The following LOC128092253 variants were observed in gnomAD, a reference collection of about 807,000 sequenced individuals.
chr6:133,977,199 G>C, the LOC128092253 span, among the ~76,000 whole-genome samples: 1 of 151,954 alleles, frequency 6.6e-6, no homozygotes, highest in Non-Finnish European at 1.5e-5. Flanking sequence ...TTTTAAAAAA[G>C]TACTGACTTT....
chr6:133,973,682 A>G, the LOC128092253 span, among the ~76,000 whole-genome samples: 1 of 152,236 alleles, frequency 6.6e-6, no homozygotes, highest in Non-Finnish European at 1.5e-5. Flanking sequence ...TCTTGTACAC[A>G]AAATCTTTGA....
At chr6:133,962,651 A>T in the LOC128092253 span, among the ~76,000 whole-genome samples, 21,789 of 152,180 alleles carry the variant, frequency 0.14, 2,005 homozygotes, top group African/African-American at 0.27. Flanking sequence ...AGGTCAGGAT[A>T]GATGTAGGAG....
chr6:133,960,910 G>A, the LOC128092253 span, among the ~76,000 whole-genome samples: 1 of 152,202 alleles, frequency 6.6e-6, no homozygotes, highest in South Asian at 2.1e-4. Flanking sequence ...GTCAGTAGGT[G>A]TGTTTTAATT....
At chr6:133,974,584 C>G in the LOC128092253 span, among the ~76,000 whole-genome samples, 1 of 152,248 alleles carries the variant, frequency 6.6e-6, no homozygotes. Context: ...ACCTTGCCCT[C>G]CCAAAGTGCT....
At chr6:133,972,589 A>C in the LOC128092253 span, among the ~76,000 whole-genome samples, 3 of 152,194 alleles carry the variant, frequency 2.0e-5, no homozygotes, top group Non-Finnish European at 4.4e-5. Flanking sequence ...ACACACGGGC[A>C]TGGCTGTGTT....
chr6:133,954,118 C>G, the LOC128092253 span, among the ~76,000 whole-genome samples: 2 of 152,206 alleles, frequency 1.3e-5, no homozygotes, highest in African/African-American at 4.8e-5. Flanking sequence ...AAGAAAATCT[C>G]TCCTGCCGAG....
At chr6:133,973,475 A>G in the LOC128092253 span, among the ~76,000 whole-genome samples, 2 of 152,122 alleles carry the variant, frequency 1.3e-5, no homozygotes, top group Non-Finnish European at 2.9e-5. Context: ...CGTTTTTATG[A>G]CAGGGTTTAT....
the LOC128092253 span, among the ~76,000 whole-genome samples, chr6:133,955,791 A>G: frequency 1.3e-5 from 2 of 152,324 alleles, no homozygotes; most frequent in Middle Eastern, 6.8e-3. Flanking sequence ...TTCTTATTCT[A>G]AAAAAATTAT....
the LOC128092253 span, among the ~76,000 whole-genome samples, chr6:133,979,543 C>CTT: frequency 8.4e-3 from 1,282 of 152,174 alleles, 38 homozygotes; most frequent in Admixed American, 0.062. Context: ...GTAAAAGTTA[C>CTT]TTTTTAGTTT....
chr6:133,961,642 A>T, the LOC128092253 span, among the ~76,000 whole-genome samples: 1 of 151,250 alleles, frequency 6.6e-6, no homozygotes, highest in African/African-American at 2.4e-5. Context: ...TAGTTTTTGT[A>T]TTTAGTAGAG....
the LOC128092253 span, among the ~76,000 whole-genome samples, chr6:133,976,035 A>G: frequency 6.6e-6 from 1 of 152,158 alleles, no homozygotes; most frequent in East Asian, 1.9e-4. Flanking sequence ...AATCTATACA[A>G]CCAGTTAAAA....
the LOC128092253 span, among the ~76,000 whole-genome samples, chr6:133,968,570 G>A: frequency 6.6e-6 from 1 of 152,156 alleles, no homozygotes; most frequent in Non-Finnish European, 1.5e-5. Flanking sequence ...GAGGTAAATG[G>A]TATTGTGTTT....
At chr6:133,974,975 T>C in the LOC128092253 span, among the ~76,000 whole-genome samples, 1 of 152,182 alleles carries the variant, frequency 6.6e-6, no homozygotes, top group African/African-American at 2.4e-5. Context: ...GTTATAATTG[T>C]CTTAAATGTT....
At chr6:133,979,943 G>T in the LOC128092253 span, 1 of 651,632 alleles carries the variant, frequency 1.5e-6, no homozygotes. Flanking sequence ...CACTGTGCCC[G>T]GCCAGGGACA....
chr6:133,966,172 T>A, the LOC128092253 span, among the ~76,000 whole-genome samples: 1 of 152,112 alleles, frequency 6.6e-6, no homozygotes, highest in African/African-American at 2.4e-5. Flanking sequence ...AAGCTTACAG[T>A]TAAACTCTGC....
At chr6:133,954,400 A>C in the LOC128092253 span, among the ~76,000 whole-genome samples, 2 of 152,276 alleles carry the variant, frequency 1.3e-5, no homozygotes, top group Non-Finnish European at 2.9e-5. Flanking sequence ...CCATCCTGGC[A>C]TAATTTCGCA....
At chr6:133,975,712 CTG>C in the LOC128092253 span, among the ~76,000 whole-genome samples, 1 of 152,046 alleles carries the variant, frequency 6.6e-6, no homozygotes, top group Non-Finnish European at 1.5e-5. Flanking sequence ...GAATATAACA[CTG>C]TGTATAACAA....
the LOC128092253 span, among the ~76,000 whole-genome samples, chr6:133,967,887 T>C: frequency 6.6e-6 from 1 of 152,218 alleles, no homozygotes; most frequent in East Asian, 1.9e-4. Context: ...TAAGACAGCA[T>C]GTGCGATCCC....
chr6:133,970,148 G>A, the LOC128092253 span, among the ~76,000 whole-genome samples: 1 of 152,180 alleles, frequency 6.6e-6, no homozygotes, highest in Non-Finnish European at 1.5e-5. Context: ...GATCTTTCAT[G>A]TGACCTCAAT....
Sources: gnomAD v4.1 joint callset for allele counts (sites outside exome capture counted in the v4.1 genomes callset) on GRCh38, gnomAD v4.1.1 for gene constraint, MANE v1.5 for transcripts.